The following IQCM variants were observed in gnomAD, a reference collection of about 807,000 sequenced individuals.
IQCM encodes IQ domain-containing protein M.
IQCM carries 45 observed loss-of-function variants against 57.6 expected under a neutral mutation model. The ratio of observed to expected loss-of-function variants is 0.78; its 90% CI spans 0.62 to 1.00. The LOEUF (loss-of-function observed/expected upper bound fraction) is 1.00, where lower values mean the gene tolerates loss of function less well. Ranked by LOEUF, IQCM falls within the 50% of genes least tolerant of loss-of-function variation. The pLI is 0.00. For missense variants in IQCM, 468 were observed against 511.6 expected, an observed-to-expected ratio of 0.91 and a Z score of 0.82; for synonymous variants, 148 against 158.9, an observed-to-expected ratio of 0.93 and a Z score of 0.51.
At position 149,571,051 on chromosome 4, in the gene IQCM, T is replaced by G. The variant is rs908272731; in HGVS notation, c.750-7161A>C. ...AACCCCTGCACACTGTTGGTGGGAA[T>G]GTAAATTAGCACAACCTTATGGAAA... On this transcript the variant is annotated intron_variant, in intron 9 of 13. Coordinates refer to ENST00000636793, the MANE Select transcript of IQCM (RefSeq NM_001363507.2). Among the ~76,000 whole-genome samples the G allele has an allele frequency of 3.3e-5, 5 of 152,124 alleles. No individual in the cohort carries two copies. The East Asian group carries it at 9.7e-4, about 30-fold the overall frequency.
chr4:149,555,669 T>G (rs1226758008), intron 10 of IQCM, among the ~76,000 whole-genome samples: 1 of 152,206 alleles, frequency 6.6e-6, no homozygotes, highest in African/African-American at 2.4e-5. Context: ...TTCAACATCT[T>G]TCTGCTTAAA....
At chr4:149,619,131 T>TATATATAC (rs1491165190) in intron 8 of IQCM, among the ~76,000 whole-genome samples, 6 of 142,004 alleles carry the variant, frequency 4.2e-5, no homozygotes, top group South Asian at 2.2e-4. Context: ...TATATATATA[T>TATATATAC]ACACCATGGA....
chr4:149,570,118 C>T (rs1243069520), intron 9 of IQCM, among the ~76,000 whole-genome samples: 1 of 151,834 alleles, frequency 6.6e-6, no homozygotes, highest in African/African-American at 2.4e-5. Flanking sequence ...ATTAAGAACA[C>T]ATTTTCATTT....
chr4:149,546,828 G>T (rs1181261574), intron 12 of IQCM, among the ~76,000 whole-genome samples: 1 of 152,070 alleles, frequency 6.6e-6, no homozygotes, highest in African/African-American at 2.4e-5. Flanking sequence ...AGTTTAATTA[G>T]ATCCCATTTG....
chr4:149,563,804 CG>C lies in IQCM; in HGVS notation c.835del (p.Arg279GlufsTer7), dbSNP rs1274821214. 1 of 1,231,724 alleles carries C rather than the reference CG, an allele frequency of 8.1e-7. No individual in the cohort carries two copies. The highest frequency in any genetic ancestry group is 1.0e-6 in the Non-Finnish European group (1 of 987,840). The allele number at this position is 1,231,724 out of a possible 1,614,324, so 76.3% of individuals were successfully genotyped here. A position where few individuals can be genotyped will look rare whatever the true frequency, so the allele number is the denominator to read the frequency against. On this transcript the variant is annotated frameshift_variant, in exon 10 of 14. Coordinates refer to ENST00000636793, the MANE Select transcript of IQCM (RefSeq NM_001363507.2). LOFTEE classifies it high-confidence loss of function. ...GGTAATCATGAATTTTTTTCTTTCT[CG>C]GAACACTTGGAAGATTTCTATGTGT... ...GPHIEIFQVF[R>X]ERKKFMITPK...
intron 12 of IQCM, among the ~76,000 whole-genome samples, chr4:149,536,709 G>C (rs1014855619): frequency 3.3e-5 from 5 of 151,968 alleles, no homozygotes; most frequent in Middle Eastern, 3.4e-3. Flanking sequence ...TATTATACTT[G>C]TTAATTATAT....
rs1031013393 is a variant in IQCM, at chr4:149,687,947, C to A, written c.386-1479G>T. ...GCAAAATCAGCATACAAGGGACATACCTCAATGTAATAAAAGCCATCTATG... is the reference window on the plus strand; with the variant it reads ...GCAAAATCAGCATACAAGGGACATAACTCAATGTAATAAAAGCCATCTATG... On this transcript the variant is annotated intron_variant, in intron 5 of 13. Coordinates refer to ENST00000636793, the MANE Select transcript of IQCM (RefSeq NM_001363507.2). 2.6e-4 allele frequency among the ~76,000 whole-genome samples: 39 copies of A among 151,810 alleles called. 1 individual carries two copies. Among genetic ancestry groups the A allele is most frequent in the Admixed American group, 2.2e-3 (33 of 15,200 alleles).
chr4:149,697,050 A>C (rs1372309407), intron 5 of IQCM, among the ~76,000 whole-genome samples: 1 of 152,084 alleles, frequency 6.6e-6, no homozygotes, highest in Admixed American at 6.6e-5. Flanking sequence ...CATATCTTTT[A>C]AAAATAGAAA....
intron 2 of IQCM, among the ~76,000 whole-genome samples, chr4:149,750,665 A>T (rs1768348991): frequency 6.6e-6 from 1 of 152,214 alleles, no homozygotes; most frequent in African/African-American, 2.4e-5. Flanking sequence ...ATAAAAGTAC[A>T]TTCTCCCAGT....
At chr4:149,523,462 C>T (rs1479859873) in intron 12 of IQCM, among the ~76,000 whole-genome samples, 2 of 151,898 alleles carry the variant, frequency 1.3e-5, no homozygotes, top group Non-Finnish European at 2.9e-5. Context: ...GTTCACATGT[C>T]ACATAAAAGT....
At chr4:149,714,180 C>A (rs2149838048) in intron 5 of IQCM, among the ~76,000 whole-genome samples, 1 of 152,306 alleles carries the variant, frequency 6.6e-6, no homozygotes, top group East Asian at 1.9e-4. Context: ...GTAGATCCAA[C>A]ACTCTCTGCT....
chr4:149,616,467 G>C (rs1175738271), intron 8 of IQCM, among the ~76,000 whole-genome samples: 1 of 152,108 alleles, frequency 6.6e-6, no homozygotes, highest in Non-Finnish European at 1.5e-5. Context: ...TTACTATGTA[G>C]AGTTTCAGTT....
chr4:149,414,344 A>G (rs780852403), intron 13 of IQCM, among the ~76,000 whole-genome samples: 14 of 152,138 alleles, frequency 9.2e-5, no homozygotes, highest in Non-Finnish European at 1.5e-4. Flanking sequence ...CGATGCCTCA[A>G]ATTACCTCAG....
At chr4:149,428,001 A>G (rs1387829781) in intron 13 of IQCM, among the ~76,000 whole-genome samples, 1 of 151,938 alleles carries the variant, frequency 6.6e-6, no homozygotes, top group Non-Finnish European at 1.5e-5. Flanking sequence ...AACATAGTGC[A>G]TTTAAACTTA....
At chr4:149,723,620 C>T (rs1765636211) in intron 5 of IQCM, among the ~76,000 whole-genome samples, 1 of 152,018 alleles carries the variant, frequency 6.6e-6, no homozygotes, top group Non-Finnish European at 1.5e-5. Flanking sequence ...ACCATCCCTG[C>T]ACCCCTGGGA....
intron 9 of IQCM, among the ~76,000 whole-genome samples, chr4:149,581,999 G>GT (rs1436938113): frequency 6.6e-6 from 1 of 151,236 alleles, no homozygotes; most frequent in Non-Finnish European, 1.5e-5. Context: ...TGTTGCTTTT[G>GT]TTTTTGTTTT....
At chr4:149,720,242 T>G (rs1765335155) in intron 5 of IQCM, among the ~76,000 whole-genome samples, 1 of 152,202 alleles carries the variant, frequency 6.6e-6, no homozygotes, top group Non-Finnish European at 1.5e-5. Context: ...GGGCCAATAA[T>G]ATCAGAGTTA....
intron 2 of IQCM, among the ~76,000 whole-genome samples, chr4:149,785,487 A>G (rs937744639): frequency 6.6e-6 from 1 of 152,196 alleles, no homozygotes; most frequent in Non-Finnish European, 1.5e-5. Context: ...GTGGGAAAAT[A>G]TAATTTGAAT....
intron 12 of IQCM, among the ~76,000 whole-genome samples, chr4:149,506,838 G>A (rs567439232): frequency 1.5e-4 from 23 of 152,228 alleles, no homozygotes; most frequent in African/African-American, 5.5e-4. Context: ...TGACACTGCA[G>A]TGTCAGAAGC....
Sources: gnomAD v4.1 joint callset for allele counts (sites outside exome capture counted in the v4.1 genomes callset) on GRCh38, gnomAD v4.1.1 for gene constraint, MANE v1.5 for transcripts, NCBI Gene and HGNC (gene_info 2026-07-23, HGNC 2026-07-21) for gene names.